Variants in KIAA0930 observed in about 807,000 individuals in gnomAD.
KIAA0930 encodes uncharacterized protein KIAA0930.
Under a neutral mutation model 43.9 loss-of-function variants are expected in KIAA0930, and 24 were observed. That is an observed-to-expected ratio of 0.55 (90% confidence interval 0.40 to 0.77). The LOEUF is 0.77. Among genes scored for constraint, KIAA0930 ranks in the 30% least tolerant of loss-of-function variants. KIAA0930 has a pLI of 0.00. For synonymous variants in KIAA0930, 259 were observed against 216.4 expected (o/e 1.20, Z -1.73); for missense variants, 461 against 574.2 (o/e 0.80, Z 2.02).
chr22:45,229,249 A>C (rs79986844), intron 1 of KIAA0930, among the ~76,000 whole-genome samples: 6 of 22,164 alleles, frequency 2.7e-4, no homozygotes, highest in African/African-American at 3.0e-4. Flanking sequence ...TCCACCCCCC[A>C]ACCACCACTC....
At chr22:45,231,385 GAAGA>G (rs568964615) in intron 1 of KIAA0930, among the ~76,000 whole-genome samples, 41 of 152,112 alleles carry the variant, frequency 2.7e-4, no homozygotes, top group Non-Finnish European at 4.3e-4. Context: ...CCTAAGATGG[GAAGA>G]AAGATAGTTT....
At chr22:45,236,706 C>A (rs1479372042) in intron 1 of KIAA0930, among the ~76,000 whole-genome samples, 2 of 152,172 alleles carry the variant, frequency 1.3e-5, no homozygotes, top group East Asian at 3.8e-4. Flanking sequence ...CCTAGCCTTG[C>A]AGCTGGGGGC....
In KIAA0930 at chr22:45,203,203, C is replaced by A. The variant is rs768430897; in HGVS notation, c.658-19G>T. 1.3e-6 allele frequency: 2 copies of A among 1,570,320 alleles called. No individual in the cohort carries two copies. Among genetic ancestry groups the A allele is most frequent in the East Asian group, 2.3e-5 (1 of 43,836 alleles). On this transcript the variant is annotated intron_variant, in intron 6 of 9. Transcript: ENST00000336156. Reference sequence around the variant, plus strand: ...CGCTCACCTGGGGGCCGGCGCGGGGCAGCCTGAGTCAGGGAGGTGGCGATG... The same window carrying A: ...CGCTCACCTGGGGGCCGGCGCGGGGAAGCCTGAGTCAGGGAGGTGGCGATG...
chr22:45,201,549 A>AT (rs1312779465), intron 7 of KIAA0930, among the ~76,000 whole-genome samples: 1 of 152,156 alleles, frequency 6.6e-6, no homozygotes, highest in Non-Finnish European at 1.5e-5. Flanking sequence ...TCACACACAC[A>AT]TTTTGTCAGA....
At chr22:45,197,998 G>A (rs762882058) in intron 8 of KIAA0930, 50 bp from the exon 9 acceptor site, 2 of 1,589,212 alleles carry the variant, frequency 1.3e-6, no homozygotes, top group South Asian at 2.2e-5. Flanking sequence ...GGACGCGGCG[G>A]GAGCAGCAGG....
chr22:45,203,046 T>C lies in KIAA0930; in HGVS notation c.796A>G (p.Thr266Ala). Residue 266 changes from threonine to alanine, a missense_variant, in exon 7 of 10, where the codon ACA (threonine) becomes GCA (alanine). Physicochemically the swap from Thr to Ala is moderately conservative, Grantham distance 58 (BLOSUM62 0). Transcript: ENST00000336156. ...MAVSRVSTGD[T>A]SPCGTEEDSS... ...TCCTCTTCAGTCCCACAGGGGGATG[T>C]GTCACCTGTAGACACTCGGCTGACC... 1 of 1,613,598 alleles carries C rather than the reference T, an allele frequency of 6.2e-7. No individual in the cohort carries two copies. The highest frequency in any genetic ancestry group is 8.5e-7 in the Non-Finnish European group (1 of 1,179,800).
intron 1 of KIAA0930, among the ~76,000 whole-genome samples, chr22:45,232,525 C>G (rs189017655): frequency 6.6e-6 from 1 of 152,122 alleles, no homozygotes; most frequent in East Asian, 1.9e-4. Context: ...TTGAGACAGT[C>G]GGGGTCCACT....
chr22:45,205,204 G>A lies in KIAA0930; in HGVS notation c.516+13C>T, dbSNP rs1424962408. 4 of 1,601,004 alleles carry A rather than the reference G, an allele frequency of 2.5e-6. No individual in the cohort carries two copies. The highest frequency in any genetic ancestry group is 1.7e-5 in the Admixed American group (1 of 59,970). Reference sequence around the variant, plus strand: ...AGGGGAAGCTAAGGAGAGAGGCCCTGTGCAGAGCTCACCTCCTCGAAGCTG... The same window carrying A: ...AGGGGAAGCTAAGGAGAGAGGCCCTATGCAGAGCTCACCTCCTCGAAGCTG... On this transcript the variant is annotated intron_variant, in intron 5 of 9. Transcript: ENST00000336156.
At chr22:45,215,849 T>C (rs1189159886) in intron 1 of KIAA0930, among the ~76,000 whole-genome samples, 1 of 152,138 alleles carries the variant, frequency 6.6e-6, no homozygotes, top group East Asian at 1.9e-4. Flanking sequence ...CCCATGAATG[T>C]ACAACTTTTA....
chr22:45,207,856 C>T (rs1003169585), intron 2 of KIAA0930: 2 of 169,344 alleles, frequency 1.2e-5, no homozygotes, highest in South Asian at 2.0e-4. Context: ...CTTCCACCGC[C>T]TGTATGGTTC....
At chr22:45,237,542 G>T (rs1024832712) in intron 1 of KIAA0930, among the ~76,000 whole-genome samples, 9 of 152,256 alleles carry the variant, frequency 5.9e-5, no homozygotes, top group Non-Finnish European at 1.0e-4. Flanking sequence ...CACTGACTCA[G>T]AGAATGACAA....
chr22:45,234,162 C>T (rs554900235), intron 1 of KIAA0930, among the ~76,000 whole-genome samples: 3 of 152,280 alleles, frequency 2.0e-5, no homozygotes, highest in East Asian at 1.9e-4. Context: ...CTCTGAGGCC[C>T]GGCAAGCTGG....
chr22:45,198,848 A>G (rs1245080341), intron 8 of KIAA0930, among the ~76,000 whole-genome samples: 2 of 152,024 alleles, frequency 1.3e-5, no homozygotes, highest in Non-Finnish European at 2.9e-5. Context: ...ACAGGGTTTC[A>G]CCATGTTGGC....
At position 45,204,052 on chromosome 22, in the gene KIAA0930, C is replaced by A. The variant is rs2083614410; in HGVS notation, c.517-67G>T. On this transcript the variant is annotated intron_variant, in intron 5 of 9. Transcript: ENST00000336156. ...CCCACCGCCCACACCACAGCCTGGC[C>A]CAACTGGCAGGGAGGGCTGCTCAGA... The A allele has an allele frequency of 3.1e-6, 5 of 1,599,680 alleles. No individual in the cohort carries two copies. In the East Asian group the frequency reaches 1.1e-4, roughly 36 times the overall value.
intron 1 of KIAA0930, among the ~76,000 whole-genome samples, chr22:45,234,014 C>A (rs951747874): frequency 2.0e-5 from 3 of 152,186 alleles, no homozygotes; most frequent in Non-Finnish European, 4.4e-5. Context: ...GAACCCTTAG[C>A]GGGAGAGCCT....
At chr22:45,215,555 T>C (rs1326468373) in intron 1 of KIAA0930, among the ~76,000 whole-genome samples, 1 of 152,212 alleles carries the variant, frequency 6.6e-6, no homozygotes, top group African/African-American at 2.4e-5. Flanking sequence ...TATCCTGCCA[T>C]TTCTGACATT....
intron 1 of KIAA0930, among the ~76,000 whole-genome samples, chr22:45,230,026 G>C (rs906711257): frequency 6.6e-6 from 1 of 152,218 alleles, no homozygotes; most frequent in Non-Finnish European, 1.5e-5. Context: ...AACCCAGGGG[G>C]CGGAGGGCGC....
chr22:45,216,496 C>A (rs775716433), intron 1 of KIAA0930, among the ~76,000 whole-genome samples: 2 of 152,128 alleles, frequency 1.3e-5, no homozygotes, highest in Non-Finnish European at 2.9e-5. Flanking sequence ...TCAGTGGATC[C>A]CAAACCTTCC....
intron 8 of KIAA0930, among the ~76,000 whole-genome samples, chr22:45,198,351 C>A (rs899991178): frequency 6.6e-6 from 1 of 152,246 alleles, no homozygotes; most frequent in Non-Finnish European, 1.5e-5. Context: ...ATTACCCAGT[C>A]CTGCGGTCCA....
Sources: gnomAD v4.1 joint callset for allele counts (sites outside exome capture counted in the v4.1 genomes callset) on GRCh38, gnomAD v4.1.1 for gene constraint, MANE v1.5 for transcripts, NCBI Gene and HGNC (gene_info 2026-07-23, HGNC 2026-07-21) for gene names.